Variants in GREM2 observed in about 807,000 individuals in gnomAD.
The protein encoded by GREM2 is gremlin 2, DAN family BMP antagonist.
Under a neutral mutation model 14.2 loss-of-function variants are expected in GREM2, and 11 were observed. That is an observed-to-expected ratio of 0.78 (90% CI 0.49 to 1.28). The LOEUF is 1.28. GREM2 is among the 50% of genes most tolerant of loss of function. GREM2 has a pLI of 0.00. For missense variants in GREM2, 210 were observed against 218.5 expected (o/e 0.96, Z 0.24); for synonymous variants, 98 against 97.6 (o/e 1.00, Z -0.02).
rs1677225692 is a variant in GREM2 at position 240,490,648 on chromosome 1, C to T, written c.*2321G>A. ...AAGGTAAACTTTGTACATACGATAA[C>T]CCCAGAAGGAGCTTCACACTGCAGC... On this transcript the variant is annotated 3_prime_UTR_variant, in exon 2 of 2. Coordinates refer to ENST00000318160, the MANE Select transcript of GREM2 (RefSeq NM_022469.4). 1 of 152,430 alleles carries T rather than the reference C, an allele frequency of 6.6e-6. No individual in the cohort carries two copies. The highest frequency in any genetic ancestry group is 6.5e-5 in the Admixed American group (1 of 15,268). The allele number at this position is 152,430 out of a possible 1,614,324, so 9.4% of individuals were successfully genotyped here. A position where few individuals can be genotyped will look rare whatever the true frequency, so the allele number is the denominator to read the frequency against.
chr1:240,564,812 G>T (rs1168982762), intron 1 of GREM2, among the ~76,000 whole-genome samples: 2 of 152,194 alleles, frequency 1.3e-5, no homozygotes, highest in Non-Finnish European at 2.9e-5. Flanking sequence ...GCATCAGGTG[G>T]CACTGGTGTG....
At chr1:240,588,429 G>C (rs150135103) in intron 1 of GREM2, 1 of 152,446 alleles carries the variant, frequency 6.6e-6, no homozygotes, top group Non-Finnish European at 1.5e-5. Flanking sequence ...TTCGGAGGTT[G>C]TGGCCTGTGT....
intron 1 of GREM2, among the ~76,000 whole-genome samples, chr1:240,528,228 G>C (rs1041404371): frequency 6.6e-5 from 10 of 152,174 alleles, no homozygotes; most frequent in African/African-American, 2.4e-4. Flanking sequence ...TTTACTCTGA[G>C]AGATACAGTT....
Position 240,558,497 on chromosome 1 carries a change from GA to G in GREM2, c.-2+53386del, listed in dbSNP as rs544084213. On this transcript the variant is annotated intron_variant, in intron 1 of 1. Transcript: ENST00000318160. ...AAAATGAAATTAAATAAATAGAATG[GA>G]AAGGGAAATACATGACATAAAAATG... Among the ~76,000 whole-genome samples, 255 of 152,152 alleles carry G rather than the reference GA, an allele frequency of 1.7e-3. 2 individuals are homozygous for G. Among genetic ancestry groups the G allele is most frequent in the African/African-American group, 5.9e-3 (244 of 41,528 alleles).
At chr1:240,522,730 C>T (rs375584238) in intron 1 of GREM2, among the ~76,000 whole-genome samples, 241 of 152,302 alleles carry the variant, frequency 1.6e-3, no homozygotes, top group African/African-American at 5.6e-3. Context: ...ATTGCAACTT[C>T]GTGCTCCTGT....
At chr1:240,525,571 C>T (rs867778640) in intron 1 of GREM2, among the ~76,000 whole-genome samples, 11 of 152,112 alleles carry the variant, frequency 7.2e-5, no homozygotes, top group South Asian at 2.1e-4. Context: ...CTCCGCCTCC[C>T]GGGTTCAAGC....
chr1:240,552,074 C>T (rs1051109378), intron 1 of GREM2, among the ~76,000 whole-genome samples: 51 of 152,186 alleles, frequency 3.4e-4, no homozygotes, highest in African/African-American at 1.1e-3. Flanking sequence ...ACTGGATGAC[C>T]TTCCATAGAG....
chr1:240,506,388 G>A (rs1677676829), intron 1 of GREM2, among the ~76,000 whole-genome samples: 1 of 152,102 alleles, frequency 6.6e-6, no homozygotes, highest in Non-Finnish European at 1.5e-5. Flanking sequence ...TAATTTAATT[G>A]AAACAAGAAG....
intron 1 of GREM2, among the ~76,000 whole-genome samples, chr1:240,502,112 C>T (rs942750920): frequency 1.3e-5 from 2 of 152,118 alleles, no homozygotes; most frequent in African/African-American, 4.8e-5. Context: ...AAATAGCAGA[C>T]GTCCACTTCC....
chr1:240,586,144 A>G (rs1289072558), intron 1 of GREM2, among the ~76,000 whole-genome samples: 2 of 152,194 alleles, frequency 1.3e-5, no homozygotes, highest in Non-Finnish European at 1.5e-5. Context: ...CTGCCTCAAC[A>G]TAAGATTAAG....
intron 1 of GREM2, among the ~76,000 whole-genome samples, chr1:240,601,850 C>G (rs957274214): frequency 6.8e-6 from 1 of 146,996 alleles, no homozygotes; most frequent in African/African-American, 2.5e-5. Flanking sequence ...GAGGTTGCAG[C>G]GAGCCAAGGC....
At chr1:240,572,185 A>C (rs1679274875) in intron 1 of GREM2, among the ~76,000 whole-genome samples, 1 of 152,086 alleles carries the variant, frequency 6.6e-6, no homozygotes, top group Non-Finnish European at 1.5e-5. Context: ...GAAGCCCAGC[A>C]TTTTTTTTAT....
intron 1 of GREM2, chr1:240,549,857 G>A (rs1678809202): frequency 1.3e-5 from 2 of 152,376 alleles, no homozygotes. Flanking sequence ...GAATGATTAA[G>A]GGATGAATTA....
At chr1:240,535,798 C>CAAAA (rs71170755) in intron 1 of GREM2, among the ~76,000 whole-genome samples, 1 of 130,120 alleles carries the variant, frequency 7.7e-6, no homozygotes, top group African/African-American at 2.9e-5. Flanking sequence ...GACTCCATCG[C>CAAAA]AAAAAAAAAA....
At chr1:240,531,707 T>C (rs1678364846) in intron 1 of GREM2, 1 of 893,832 alleles carries the variant, frequency 1.1e-6, no homozygotes. Context: ...CTTTTCTTTT[T>C]CTTCTTCTTT....
intron 1 of GREM2, among the ~76,000 whole-genome samples, chr1:240,602,719 G>T (rs531866180): frequency 1.3e-5 from 2 of 152,084 alleles, no homozygotes; most frequent in African/African-American, 2.4e-5. Flanking sequence ...GGAGGCTTAG[G>T]CAGGAGAATT....
intron 1 of GREM2, among the ~76,000 whole-genome samples, chr1:240,527,284 A>C (rs1370764762): frequency 6.6e-6 from 1 of 152,170 alleles, no homozygotes; most frequent in Non-Finnish European, 1.5e-5. Context: ...ATCATGTATC[A>C]CTCTGTATTT....
At chr1:240,522,934 A>G (rs888059550) in intron 1 of GREM2, among the ~76,000 whole-genome samples, 3 of 152,230 alleles carry the variant, frequency 2.0e-5, no homozygotes, top group Non-Finnish European at 4.4e-5. Flanking sequence ...AAAAAGATTC[A>G]ACAATGACTT....
At chr1:240,610,218 A>G (rs1680106621) in intron 1 of GREM2, among the ~76,000 whole-genome samples, 2 of 152,308 alleles carry the variant, frequency 1.3e-5, no homozygotes, top group South Asian at 4.1e-4. Context: ...CTCTTTACCA[A>G]TAGAATGTAG....
Sources: gnomAD v4.1 joint callset for allele counts (sites outside exome capture counted in the v4.1 genomes callset) on GRCh38, gnomAD v4.1.1 for gene constraint, MANE v1.5 for transcripts, NCBI Gene and HGNC (gene_info 2026-07-23, HGNC 2026-07-21) for gene names.